The following CSNK1D variants were observed in gnomAD, a reference collection of about 807,000 sequenced individuals.
CSNK1D encodes the protein casein kinase 1 delta.
In CSNK1D, 16 loss-of-function variants were observed where a neutral mutation model predicts 46.6. The ratio of observed to expected loss-of-function variants is 0.34; its 90% CI spans 0.23 to 0.52. CSNK1D has a LOEUF of 0.52. Among genes scored for constraint, CSNK1D ranks in the 20% least tolerant of loss-of-function variants. The pLI is 0.95. For synonymous variants in CSNK1D, 276 were observed against 228.2 expected (o/e 1.21, Z -1.89); for missense variants, 398 against 578.4 (o/e 0.69, Z 3.20).
chr17:82,246,375 C>G, intron 8 of CSNK1D: 1 of 1,268,652 alleles, frequency 7.9e-7, no homozygotes, highest in Non-Finnish European at 1.0e-6. Context: ...CAGGGCACAG[C>G]CTGAAGGCAG....
At chr17:82,239,977 CAGT>C (rs2050718817), downstream of CSNK1D, 31 of 1,233,552 alleles carry the variant, frequency 2.5e-5, no homozygotes, top group Non-Finnish European at 3.0e-5. Context: ...CCGGGGCCCT[CAGT>C]AGGTGCGTCG....
At position 82,251,956 on chromosome 17, in the gene CSNK1D, T is replaced by C. The variant is rs1434116480; in HGVS notation, c.737-429A>G. ...TTGCAGTGAGCCGAGATCACGCCAC[T>C]GCACTCTAGCCTTGGCGACAGAGTG... is the stretch of plus-strand genomic sequence containing the variant. On this transcript the variant is annotated intron_variant, in intron 5 of 8. Transcript: ENST00000314028. This position sits in a 1 kb window ranked among gnomAD's most constrained non-coding sequence, Gnocchi z 4.5. 9.3e-6 allele frequency: 3 copies of C among 321,750 alleles called. No homozygotes were observed. Among genetic ancestry groups the C allele is most frequent in the Non-Finnish European group, 1.2e-5 (2 of 168,266 alleles). The allele number at this position is 321,750 out of a possible 1,614,324, so 19.9% of individuals were successfully genotyped here. A position where few individuals can be genotyped will look rare whatever the true frequency, so the allele number is the denominator to read the frequency against.
rs1458389640 is a variant in CSNK1D, at chr17:82,251,467, T to C, written c.797A>G (p.Tyr266Cys). The change falls in exon 6 of 9, where the codon TAC (tyrosine) becomes TGC (cysteine). Residue 266 changes from tyrosine (Y) to cysteine (C), a missense_variant. This residue lies in a region of CSNK1D where 217 missense variants were observed against 370.3 expected (regional missense o/e 0.59). Coordinates refer to ENST00000314028, the MANE Select transcript of CSNK1D (RefSeq NM_001893.6). This position sits in a 1 kb window ranked among gnomAD's most constrained non-coding sequence, Gnocchi z 4.5. ...RSLRFDDKPD[Y>C]SYLRQLFRNL... ...CCGGAAAAGCTGCCGCAGGTACGAG[T>C]AGTCAGGCTTGTCGTCAAAACGCAA... The C allele has an allele frequency of 6.2e-7, 1 of 1,614,006 alleles. No homozygotes were observed. Among genetic ancestry groups the C allele is most frequent in the Non-Finnish European group, 8.5e-7 (1 of 1,179,980 alleles).
intron 8 of CSNK1D, chr17:82,246,219 TGA>T (rs1230141837): frequency 6.6e-7 from 1 of 1,508,858 alleles, no homozygotes; most frequent in Non-Finnish European, 8.9e-7. Flanking sequence ...GGCCTCTGGA[TGA>T]GAGTGGTGCC....
chr17:82,249,758 T>G lies in CSNK1D; in HGVS notation c.886-156A>C. 1.3e-6 allele frequency: 2 copies of G among 1,483,102 alleles called. No homozygotes were observed. The highest frequency in any genetic ancestry group is 1.8e-6 in the Non-Finnish European group (2 of 1,118,366). 91.9% of individuals were successfully genotyped at this position (1,483,102 alleles called of 1,614,324 possible). ...CCCACAGGCTGCACGTTTCTCCTCA[T>G]GGGATGACAGCATCATCCCCACAAG... On this transcript the variant is annotated intron_variant, in intron 6 of 8. Coordinates refer to ENST00000314028, the MANE Select transcript of CSNK1D (RefSeq NM_001893.6). The surrounding 1 kb of genome is among the most constrained non-coding windows in gnomAD (Gnocchi z 6.7).
chr17:82,253,042 G>A lies in CSNK1D; in HGVS notation c.539C>T (p.Ala180Val). ...NKNLTGTARY[A>V]SINTHLGIEQ... ...AATTCCAAGGTGCGTGTTGATGGAG[G>A]CGTACCGCGCCGTCCCCGTGAGGTT... The change falls in exon 4 of 9, where the codon GCC (alanine) becomes GTC (valine). Residue 180 changes from alanine to valine, a missense_variant. Coordinates refer to ENST00000314028, the MANE Select transcript of CSNK1D (RefSeq NM_001893.6). 1.2e-6 allele frequency: 2 copies of A among 1,614,118 alleles called. No individual in the cohort carries two copies. The highest frequency in any genetic ancestry group is 8.5e-7 in the Non-Finnish European group (1 of 1,179,992).
Position 82,249,604 on chromosome 17 carries a change from T to C in CSNK1D, c.886-2A>G. On this transcript the variant is annotated splice_acceptor_variant, in intron 6 of 8. Transcript: ENST00000314028. LOFTEE classifies it high-confidence loss of function. This position sits in a 1 kb window ranked among gnomAD's most constrained non-coding sequence, Gnocchi z 6.7. ...GTCATCGGCGGCCCGGCTGGCACCC[T>C]GAGGAGGCAGGAGGTGAGGCCGGAA... is the stretch of plus-strand genomic sequence containing the variant. The C allele has an allele frequency of 6.4e-7, 1 of 1,559,988 alleles. No individual in the cohort carries two copies.
rs1176636775 is a variant in CSNK1D, at chr17:82,244,342, A to T, written c.*439T>A. On this transcript the variant is annotated 3_prime_UTR_variant, in exon 9 of 9. Transcript: ENST00000314028. ...TTTTGTAAGACTGCAAAAACAGACAAGAAACAATAAAAAGACAGATTTTCT... is the reference window on the plus strand; with the variant it reads ...TTTTGTAAGACTGCAAAAACAGACATGAAACAATAAAAAGACAGATTTTCT... The T allele has an allele frequency of 1.8e-6, 2 of 1,105,150 alleles. No homozygotes were observed. The highest frequency in any genetic ancestry group is 4.3e-4 in the Middle Eastern group (1 of 2,326). 68.5% of individuals were successfully genotyped at this position (1,105,150 alleles called of 1,614,324 possible).
At chr17:82,268,196 A>G (rs1310926262) in intron 1 of CSNK1D, among the ~76,000 whole-genome samples, 1 of 152,154 alleles carries the variant, frequency 6.6e-6, no homozygotes, top group Non-Finnish European at 1.5e-5. Context: ...GGACCTCGTC[A>G]CCTGCTGGGC....
chr17:82,242,011 T>TGGCCAAGG (rs1166089174), downstream of CSNK1D, among the ~76,000 whole-genome samples: 3 of 115,888 alleles, frequency 2.6e-5, no homozygotes, highest in African/African-American at 9.8e-5. Flanking sequence ...AGCGTGACCC[T>TGGCCAAGG]GGCCAAGGGG....
chr17:82,264,622 T>C (rs531364263), intron 2 of CSNK1D, among the ~76,000 whole-genome samples: 1 of 152,138 alleles, frequency 6.6e-6, no homozygotes, highest in African/African-American at 2.4e-5. Flanking sequence ...CCAGAGAGTA[T>C]GAAGGGACTT....
chr17:82,260,702 CTGA>C (rs1471174080), intron 2 of CSNK1D, among the ~76,000 whole-genome samples: 1 of 145,090 alleles, frequency 6.9e-6, no homozygotes, highest in African/African-American at 2.8e-5. Context: ...GGTGTACTGA[CTGA>C]TGTGACTGAT....
intron 1 of CSNK1D, among the ~76,000 whole-genome samples, chr17:82,270,522 C>A (rs1318467566): frequency 1.3e-5 from 2 of 152,214 alleles, no homozygotes; most frequent in African/African-American, 2.4e-5. Flanking sequence ...AAGATGAAGA[C>A]CTAGTTCCTC....
chr17:82,270,601 G>T (rs368596146), intron 1 of CSNK1D, among the ~76,000 whole-genome samples: 23 of 152,292 alleles, frequency 1.5e-4, no homozygotes, highest in Admixed American at 3.9e-4. Flanking sequence ...ATAGTCTTCA[G>T]ATCAGCCATC....
intron 2 of CSNK1D, among the ~76,000 whole-genome samples, chr17:82,259,182 T>C (rs2051261969): frequency 6.6e-6 from 1 of 152,264 alleles, no homozygotes; most frequent in Admixed American, 6.5e-5. Context: ...ATCTTATCTG[T>C]CTTAAAATTT....
In CSNK1D at chr17:82,249,930, G is replaced by A; in HGVS notation, c.886-328C>T. On this transcript the variant is annotated intron_variant, in intron 6 of 8. Coordinates refer to ENST00000314028, the MANE Select transcript of CSNK1D (RefSeq NM_001893.6). This position sits in a 1 kb window ranked among gnomAD's most constrained non-coding sequence, Gnocchi z 6.7. ...TCTGTGAACATGCTCACTAACACGT[G>A]CAGAAAGAGGAGAGGGACAGGAACC... 1 of 1,293,680 alleles carries A rather than the reference G, an allele frequency of 7.7e-7. No individual in the cohort carries two copies. The highest frequency in any genetic ancestry group is 9.9e-7 in the Non-Finnish European group (1 of 1,008,908). The allele number at this position is 1,293,680 out of a possible 1,614,324, so 80.1% of individuals were successfully genotyped here.
In CSNK1D at chr17:82,248,030, T is replaced by G. The variant is rs1037365540; in HGVS notation, c.1197+845A>C. 1 of 984,970 alleles carries G rather than the reference T, an allele frequency of 1.0e-6. No homozygotes were observed. Among genetic ancestry groups the G allele is most frequent in the African/African-American group, 1.8e-5 (1 of 57,088 alleles). 61.0% of individuals were successfully genotyped at this position (984,970 alleles called of 1,614,324 possible). A position where few individuals can be genotyped will look rare whatever the true frequency, so the allele number is the denominator to read the frequency against. ...CCATCCTGTGATCCCAACAAACACC[T>G]CCCCACAAGCCCAGAGCCAGGCTCC... On this transcript the variant is annotated intron_variant, in intron 8 of 8. Transcript: ENST00000314028. The surrounding 1 kb of genome is among the most constrained non-coding windows in gnomAD (Gnocchi z 4.1).
At chr17:82,265,468 C>T in intron 2 of CSNK1D, 5 of 555,404 alleles carry the variant, frequency 9.0e-6, no homozygotes, top group Non-Finnish European at 1.6e-5. Context: ...CGTGAGCCAC[C>T]ATGCCCGGCC....
chr17:82,263,184 C>CAAAAACA lies in CSNK1D; in HGVS notation c.187+2495_187+2501dup, dbSNP rs754222527. Among the ~76,000 whole-genome samples the CAAAAACA allele has an allele frequency of 2.8e-3, 428 of 152,144 alleles. 2 individuals are homozygous for CAAAAACA. Among genetic ancestry groups the CAAAAACA allele is most frequent in the African/African-American group, 7.0e-3 (290 of 41,514 alleles). ...AACGGAGTGAGACTCTGTCTCCAAACAAAAACAAAAAACAAAAAACAAAAA... is the reference window on the plus strand; with the variant it reads ...AACGGAGTGAGACTCTGTCTCCAAACAAAAACAAAAAACAAAAAACAAAAAACAAAAA... On this transcript the variant is annotated intron_variant, in intron 2 of 8. Transcript: ENST00000314028.
Sources: allele counts gnomAD v4.1 joint callset (sites outside exome capture counted in the v4.1 genomes callset), GRCh38; gene constraint gnomAD v4.1.1; regional missense constraint gnomAD v4.1.1; non-coding constraint Gnocchi (gnomAD v3.1); transcripts MANE v1.5; gene names NCBI Gene and HGNC (gene_info 2026-07-23, HGNC 2026-07-21).